The following SPINK5 variants were observed in gnomAD, a reference collection of about 807,000 sequenced individuals.
SPINK5 encodes the protein serine protease inhibitor Kazal-type 5.
SPINK5 carries 125 observed loss-of-function variants against 151.8 expected under a neutral mutation model. The ratio of observed to expected loss-of-function variants is 0.82; its 90% CI spans 0.71 to 0.96. SPINK5 has a LOEUF of 0.96. Among genes scored for constraint, SPINK5 ranks in the 40% least tolerant of loss-of-function variants. The probability of loss-of-function intolerance (pLI) is 0.00; values close to 1 mark genes in which losing one functional copy is unlikely to be tolerated. For missense variants in SPINK5, 1,194 were observed against 1,291.9 expected, an observed-to-expected ratio of 0.92 and a Z score of 1.16; for synonymous variants, 374 against 395.3, an observed-to-expected ratio of 0.95 and a Z score of 0.64.
chr5:148,076,762 C>T (rs771156940), intron 4 of SPINK5, among the ~76,000 whole-genome samples: 1 of 151,388 alleles, frequency 6.6e-6, no homozygotes, highest in Non-Finnish European at 1.5e-5. Context: ...AATGAAAAGA[C>T]AGAATAATTT....
At chr5:148,125,479 G>C in intron 28 of SPINK5, 1 of 1,554,168 alleles carries the variant, frequency 6.4e-7, no homozygotes. Flanking sequence ...GAAAAAAACA[G>C]GAAGGTCTAT....
chr5:148,121,143 C>CAGAAAAAAAAAAAAAAAAAAA (rs1554106525), intron 26 of SPINK5, among the ~76,000 whole-genome samples: 1 of 68,664 alleles, frequency 1.5e-5, no homozygotes, highest in Admixed American at 2.2e-4. Context: ...GACTCTGTCT[C>CAGAAAAAAAAAAAAAAAAAAA]AAAAAAAAAA....
Position 148,125,866 on chromosome 5 carries a change from C to T in SPINK5, c.2867+16C>T. On this transcript the variant is annotated intron_variant, in intron 29 of 32. Coordinates refer to ENST00000256084, the MANE Select transcript of SPINK5 (RefSeq NM_006846.4). ...GAGCTGTCTTGTGAGTAAGAGGATT[C>T]TGCTCCCCCTGTAGCTAGCAGGGGA... The T allele has an allele frequency of 2.5e-6, 4 of 1,614,148 alleles. No homozygotes were observed. Among genetic ancestry groups the T allele is most frequent in the Non-Finnish European group, 3.4e-6 (4 of 1,180,016 alleles).
chr5:148,092,458 CAG>C (rs747289793), intron 8 of SPINK5, among the ~76,000 whole-genome samples: 72 of 151,990 alleles, frequency 4.7e-4, no homozygotes, highest in Admixed American at 1.1e-3. Flanking sequence ...TTCATAAACA[CAG>C]AGAGTTATTT....
At chr5:148,129,673 T>C (rs1754526407) in intron 30 of SPINK5, among the ~76,000 whole-genome samples, 1 of 152,206 alleles carries the variant, frequency 6.6e-6, no homozygotes, top group African/African-American at 2.4e-5. Flanking sequence ...TGTACCAATA[T>C]GGAACTCACC....
chr5:148,069,510 G>A (rs1217945849), intron 2 of SPINK5, among the ~76,000 whole-genome samples: 1 of 148,858 alleles, frequency 6.7e-6, no homozygotes. Flanking sequence ...AAAGCCTTAT[G>A]CAATTATTGA....
rs772114803 is a variant in SPINK5, at chr5:148,125,706, C to G, written c.2740-17C>G. ...AAGGGACAAAGCCATGTTCACTTTC[C>G]CTTTCTCATTTTCTAGGATGAGTGC... On this transcript the variant is annotated splice_polypyrimidine_tract_variant and intron_variant, in intron 28 of 32. Transcript: ENST00000256084. 1 of 1,614,140 alleles carries G rather than the reference C, an allele frequency of 6.2e-7. No individual in the cohort carries two copies. Among genetic ancestry groups the G allele is most frequent in the African/African-American group, 1.3e-5 (1 of 75,036 alleles).
intron 8 of SPINK5, 61 bp from the exon 9 acceptor site, chr5:148,094,293 T>G: frequency 6.3e-7 from 1 of 1,593,708 alleles, no homozygotes; most frequent in South Asian, 1.1e-5. Flanking sequence ...AAATCCTGTC[T>G]CAAAAAATAA....
At position 148,120,051 on chromosome 5, in the gene SPINK5, C is replaced by T; in HGVS notation, c.2356C>T (p.Leu786Phe). 1 of 1,613,930 alleles carries T rather than the reference C, an allele frequency of 6.2e-7. No homozygotes were observed. The highest frequency in any genetic ancestry group is 8.5e-7 in the Non-Finnish European group (1 of 1,179,848). The change falls in exon 25 of 33, where the codon CTC (leucine) becomes TTC (phenylalanine). Residue 786 changes from leucine (L) to phenylalanine (F), a missense_variant. Coordinates refer to ENST00000256084, the MANE Select transcript of SPINK5 (RefSeq NM_006846.4). ...EFRSQMKNGK[L>F]ICTRESDPVR... Reference sequence around the variant, plus strand: ...TAGAAGCCAAATGAAAAATGGAAAACTCATCTGCACTCGAGAAAGTGACCC... The same window carrying T: ...TAGAAGCCAAATGAAAAATGGAAAATTCATCTGCACTCGAGAAAGTGACCC...
chr5:148,130,092 T>A (rs1334094425), intron 30 of SPINK5, among the ~76,000 whole-genome samples: 1 of 151,978 alleles, frequency 6.6e-6, no homozygotes, highest in East Asian at 1.9e-4. Context: ...TTACTTATTT[T>A]AAAAAATTTT....
At chr5:148,066,760 T>C (rs1423005) in intron 2 of SPINK5, among the ~76,000 whole-genome samples, 106,625 of 152,046 alleles carry the variant, frequency 0.7, 37,855 homozygotes, top group East Asian at 0.91. Context: ...GAGTCCGTGA[T>C]GATGGTTGGT....
At chr5:148,124,481 A>C (rs908019190) in intron 27 of SPINK5, among the ~76,000 whole-genome samples, 1 of 152,204 alleles carries the variant, frequency 6.6e-6, no homozygotes, top group African/African-American at 2.4e-5. Flanking sequence ...TCTTAAGTCT[A>C]TTATATTAAG....
chr5:148,096,032 T>G, intron 10 of SPINK5, 127 bp downstream of exon 10: 1 of 730,640 alleles, frequency 1.4e-6, no homozygotes, highest in Non-Finnish European at 2.3e-6. Context: ...TACTAGTAGG[T>G]TTGCTGGAAA....
intron 11 of SPINK5, among the ~76,000 whole-genome samples, chr5:148,098,792 G>A (rs535898627): frequency 2.0e-5 from 3 of 152,056 alleles, no homozygotes; most frequent in Admixed American, 6.5e-5. Context: ...AGGAGACCTT[G>A]GTTGTAGTCA....
rs1183000844 is a variant in SPINK5 at position 148,091,563 on chromosome 5, ATT to A, written c.666+338_666+339del. ...CTTCTTTTTGGTTTAGTGTAAACCC[ATT>A]TTACTCTGTATAAATTGTTTAAAAT... On this transcript the variant is annotated intron_variant, in intron 8 of 32. Transcript: ENST00000256084. Among the ~76,000 whole-genome samples, 4 of 151,832 alleles carry A rather than the reference ATT, an allele frequency of 2.6e-5. No homozygotes were observed. In the East Asian group the frequency reaches 7.8e-4, roughly 30 times the overall value.
intron 10 of SPINK5, among the ~76,000 whole-genome samples, chr5:148,096,832 C>T (rs1233575973): frequency 6.7e-6 from 1 of 148,258 alleles, no homozygotes; most frequent in East Asian, 2.0e-4. Flanking sequence ...GATCATGGCT[C>T]ACTGCAGCCT....
intron 3 of SPINK5, 102 bp downstream of exon 3, chr5:148,070,552 G>C: frequency 1.4e-6 from 2 of 1,480,364 alleles, no homozygotes; most frequent in South Asian, 2.4e-5. Flanking sequence ...TTTCTAAACC[G>C]AAATGGTTAA....
intron 6 of SPINK5, chr5:148,089,117 A>T (rs1043046470): frequency 2.2e-6 from 1 of 463,840 alleles, no homozygotes; most frequent in African/African-American, 2.0e-5. Flanking sequence ...CTAATTTTCA[A>T]GGTCTGATGC....
At chr5:148,085,304 T>C (rs985293374) in intron 4 of SPINK5, among the ~76,000 whole-genome samples, 2 of 151,934 alleles carry the variant, frequency 1.3e-5, no homozygotes. Flanking sequence ...ACATTCTAAG[T>C]GTTTCATATT....
Sources: allele counts gnomAD v4.1 joint callset (sites outside exome capture counted in the v4.1 genomes callset), GRCh38; gene constraint gnomAD v4.1.1; transcripts MANE v1.5; gene names NCBI Gene and HGNC (gene_info 2026-07-23, HGNC 2026-07-21).